Variants in RORA observed in about 807,000 individuals in gnomAD.
The protein encoded by RORA is RAR related orphan receptor A, also known as nuclear receptor ROR-alpha.
In RORA, 7 loss-of-function variants were observed where a neutral mutation model predicts 69.5. The observed-to-expected ratio is 0.10, with a 90% CI of 0.06 to 0.19. The LOEUF (loss-of-function observed/expected upper bound fraction) is 0.19. Ranked by LOEUF, RORA falls within the 10% of genes least tolerant of loss-of-function variation. The pLI is 1.00. For missense variants in RORA, 457 were observed against 663.0 expected, an observed-to-expected ratio of 0.69 and a Z score of 3.41; for synonymous variants, 261 against 240.8, an observed-to-expected ratio of 1.08 and a Z score of -0.78.
At chr15:60,721,568 A>AGT (rs2071293992) in intron 1 of RORA, among the ~76,000 whole-genome samples, 1 of 152,250 alleles carries the variant, frequency 6.6e-6, no homozygotes, top group East Asian at 1.9e-4. Context: ...GGGCAGGCAG[A>AGT]CCTGGGTACC....
Position 60,499,892 on chromosome 15 carries a change from C to T in RORA, c.1407G>A (p.Lys469=). 1 of 1,578,494 alleles carries T rather than the reference C, an allele frequency of 6.3e-7. No homozygotes were observed. The highest frequency in any genetic ancestry group is 8.7e-7 in the Non-Finnish European group (1 of 1,150,942). ...KNHREDGILT[K]LICKVSTLRA... is the part of the protein sequence containing the mutation. ...CCAACTAGAAGCCTTTGGCACTCAC[C>T]TTTGTTAGTATTCCATCTTCTCGGT... The change falls in exon 10 of 11, where the codon AAG becomes AAA. Residue 469 remains lysine (K), a splice_region_variant and synonymous_variant. Coordinates refer to ENST00000335670, the MANE Select transcript of RORA (RefSeq NM_134261.3).
chr15:60,617,305 G>A (rs1159466039), intron 2 of RORA, among the ~76,000 whole-genome samples: 1 of 152,142 alleles, frequency 6.6e-6, no homozygotes, highest in Non-Finnish European at 1.5e-5. Context: ...TCTTCATTAA[G>A]TGCTTGTCCA....
chr15:61,089,629 G>C (rs929051032), intron 1 of RORA, among the ~76,000 whole-genome samples: 1 of 152,096 alleles, frequency 6.6e-6, no homozygotes, highest in Non-Finnish European at 1.5e-5. Context: ...AGGCAGTCCT[G>C]GTGTAGCCCC....
At chr15:60,896,132 A>T (rs1205278252) in intron 1 of RORA, among the ~76,000 whole-genome samples, 2 of 152,228 alleles carry the variant, frequency 1.3e-5, no homozygotes, top group East Asian at 3.8e-4. Context: ...GTGAGTGTTC[A>T]GAGAAGACCC....
In RORA at chr15:60,505,587, C is replaced by A. The variant is rs2065473294; in HGVS notation, c.863G>T (p.Cys288Phe). ...QNISKSHLET[C>F]QYLREELQQI... ...CTGGAGCTCTTCTCTCAAGTATTGG[C>A]AGGTTTCCAGATGCGATTTAGATAT... The change falls in exon 6 of 11, where the codon TGC becomes TTC. Residue 288 changes from cysteine (C) to phenylalanine (F), a missense_variant. Coordinates refer to ENST00000335670, the MANE Select transcript of RORA (RefSeq NM_134261.3). 2 of 1,613,768 alleles carry A rather than the reference C, an allele frequency of 1.2e-6. No individual in the cohort carries two copies. The highest frequency in any genetic ancestry group is 1.3e-5 in the African/African-American group (1 of 74,904).
chr15:61,062,742 T>G (rs889488141), intron 1 of RORA, among the ~76,000 whole-genome samples: 1 of 152,140 alleles, frequency 6.6e-6, no homozygotes, highest in Non-Finnish European at 1.5e-5. Context: ...CTCTCCCAAC[T>G]GCACAGGCAT....
intron 1 of RORA, among the ~76,000 whole-genome samples, chr15:60,972,195 G>A (rs28722571): frequency 0.032 from 4,877 of 152,232 alleles, 251 homozygotes; most frequent in African/African-American, 0.11. Context: ...TTCCTTTAAG[G>A]GTAGATTGGA....
intron 1 of RORA, among the ~76,000 whole-genome samples, chr15:60,980,886 T>C (rs908705922): frequency 5.3e-5 from 8 of 152,100 alleles, no homozygotes; most frequent in Non-Finnish European, 1.2e-4. Flanking sequence ...CTAATCTTTA[T>C]TATTCTTTTC....
chr15:60,517,535 G>T (rs138327388), intron 3 of RORA, among the ~76,000 whole-genome samples: 340 of 151,930 alleles, frequency 2.2e-3, no homozygotes, highest in African/African-American at 7.5e-3. Flanking sequence ...AAGAAGTAAG[G>T]CTTTCTTTGG....
intron 1 of RORA, among the ~76,000 whole-genome samples, chr15:61,126,583 A>C (rs1030577172): frequency 6.6e-6 from 1 of 152,212 alleles, no homozygotes; most frequent in Non-Finnish European, 1.5e-5. Context: ...ATCTATTTTC[A>C]AAGAGTTGTA....
At chr15:60,605,623 C>G (rs1186126133) in intron 2 of RORA, among the ~76,000 whole-genome samples, 1 of 152,092 alleles carries the variant, frequency 6.6e-6, no homozygotes, top group Non-Finnish European at 1.5e-5. Flanking sequence ...GATTATTGGT[C>G]TTTAATAGAG....
Position 60,503,644 on chromosome 15 carries a change from C to G in RORA, c.966G>C (p.Leu322Phe). 4 of 1,614,010 alleles carry G rather than the reference C, an allele frequency of 2.5e-6. No individual in the cohort carries two copies. Among genetic ancestry groups the G allele is most frequent in the Non-Finnish European group, 3.4e-6 (4 of 1,180,004 alleles). ...QNKQREVMWQ[L>F]CAIKITEAIQ... ...TAGCTTCTGTAATTTTGATGGCACA[C>G]AATTGCCACATCACCTCCCGCTGCT... Residue 322 changes from leucine (L) to phenylalanine (F), a missense_variant, in exon 7 of 11, where the codon TTG (leucine) becomes TTC (phenylalanine). This residue lies in a region of RORA where 304 missense variants were observed against 447.4 expected (regional missense o/e 0.68). Transcript: ENST00000335670.
chr15:60,994,488 G>A (rs1014364081), intron 1 of RORA, among the ~76,000 whole-genome samples: 15 of 152,092 alleles, frequency 9.9e-5, no homozygotes, highest in African/African-American at 3.1e-4. Context: ...ACCATTTCAT[G>A]AGCCCCAGGA....
At chr15:60,848,885 T>G (rs1295246524) in intron 1 of RORA, 1 of 152,212 alleles carries the variant, frequency 6.6e-6, no homozygotes, top group Non-Finnish European at 1.5e-5. Context: ...GGGTTATCAT[T>G]CAGCATGAGA....
At chr15:60,829,478 T>C (rs1240619220) in intron 1 of RORA, among the ~76,000 whole-genome samples, 1 of 152,150 alleles carries the variant, frequency 6.6e-6, no homozygotes, top group Non-Finnish European at 1.5e-5. Context: ...GCCACATCTC[T>C]AGCTTGAGTT....
At chr15:60,685,669 A>T (rs774432886) in intron 1 of RORA, among the ~76,000 whole-genome samples, 21 of 152,238 alleles carry the variant, frequency 1.4e-4, no homozygotes, top group Non-Finnish European at 2.6e-4. Context: ...AAAGTGCTCC[A>T]AGTAATCTTT....
At chr15:60,515,973 T>TGG in intron 3 of RORA, among the ~76,000 whole-genome samples, 1 of 16,778 alleles carries the variant, frequency 6.0e-5, no homozygotes, top group African/African-American at 2.1e-4. Flanking sequence ...TTATATATAT[T>TGG]TATATATTTA....
At chr15:60,707,521 G>A (rs947084005) in intron 1 of RORA, among the ~76,000 whole-genome samples, 8 of 151,728 alleles carry the variant, frequency 5.3e-5, no homozygotes, top group African/African-American at 1.7e-4. Flanking sequence ...CCGCCACCAC[G>A]CCTGGCTAAT....
intron 1 of RORA, among the ~76,000 whole-genome samples, chr15:60,798,185 G>A (rs1247501618): frequency 1.3e-5 from 2 of 150,492 alleles, no homozygotes; most frequent in African/African-American, 4.9e-5. Flanking sequence ...GAGCTCAGAA[G>A]CTTTCCTCCA....
Sources: allele counts gnomAD v4.1 joint callset (sites outside exome capture counted in the v4.1 genomes callset), GRCh38; gene constraint gnomAD v4.1.1; regional missense constraint gnomAD v4.1.1; transcripts MANE v1.5; gene names NCBI Gene and HGNC (gene_info 2026-07-23, HGNC 2026-07-21).